TULP3: variants seen among roughly 807,000 people sequenced by gnomAD.
The protein encoded by TULP3 is tubby-related protein 3.
TULP3 carries 38 observed loss-of-function variants against 50.7 expected under a neutral mutation model. That is an observed-to-expected ratio of 0.75 (90% confidence interval 0.58 to 0.98). The LOEUF (loss-of-function observed/expected upper bound fraction) is 0.98, where lower values mean the gene tolerates loss of function less well. TULP3 is among the 50% of genes least tolerant of loss of function. TULP3 has a pLI of 0.00. For synonymous variants in TULP3, 183 were observed against 196.6 expected (o/e 0.93, Z 0.58); for missense variants, 550 against 568.0 (o/e 0.97, Z 0.32).
chr12:2,920,840 A>G lies in TULP3; in HGVS notation c.171A>G (p.Leu57=). The G allele has an allele frequency of 6.2e-7, 1 of 1,614,180 alleles. No individual in the cohort carries two copies. Among genetic ancestry groups the G allele is most frequent in the Non-Finnish European group, 8.5e-7 (1 of 1,180,040 alleles). The change falls in exon 3 of 11, where the codon CTA becomes CTG. Residue 57 remains leucine (L), a synonymous_variant. Coordinates refer to ENST00000448120, the MANE Select transcript of TULP3 (RefSeq NM_003324.5). The part of the protein sequence containing the change: ...FMVQPNPEAR[L]RRAKPRASDE... The stretch of plus-strand genomic sequence containing the variant: ...TGCAGCCCAATCCAGAAGCCAGGCT[A>G]CGTCGGGCAAAGCCAAGGGCCAGTG...
chr12:2,936,033 G>A (rs138481056), intron 8 of TULP3, among the ~76,000 whole-genome samples: 1,926 of 151,854 alleles, frequency 0.013, 39 homozygotes, highest in African/African-American at 0.043. Flanking sequence ...TTGGGAGGCC[G>A]AGGCCGGTGG....
At chr12:2,931,743 C>CAAA (rs2098198186) in intron 6 of TULP3, among the ~76,000 whole-genome samples, 1 of 152,076 alleles carries the variant, frequency 6.6e-6, no homozygotes, top group Non-Finnish European at 1.5e-5. Context: ...AATACCAGGT[C>CAAA]TTAACAGATG....
chr12:2,916,723 AC>A (rs2098188890), intron 2 of TULP3, among the ~76,000 whole-genome samples: 1 of 152,158 alleles, frequency 6.6e-6, no homozygotes, highest in Non-Finnish European at 1.5e-5. Context: ...CACAAGTAGC[AC>A]TTCTCTCCTC....
At chr12:2,934,073 C>A (rs2098199723) in intron 7 of TULP3, among the ~76,000 whole-genome samples, 1 of 152,144 alleles carries the variant, frequency 6.6e-6, no homozygotes, top group African/African-American at 2.4e-5. Context: ...CACACTGAGA[C>A]ATTATCTCTT....
At chr12:2,899,928 C>G in intron 1 of TULP3, among the ~76,000 whole-genome samples, 1 of 144,516 alleles carries the variant, frequency 6.9e-6, no homozygotes, top group Non-Finnish European at 1.5e-5. Context: ...ACAAAAAAAA[C>G]TTGGAGACGG....
At position 2,933,545 on chromosome 12, in the gene TULP3, A is replaced by G; in HGVS notation, c.809+15A>G. On this transcript the variant is annotated intron_variant, in intron 7 of 10. Transcript: ENST00000448120. The stretch of plus-strand genomic sequence containing the variant: ...GGCAAGCTTAGGTGAAAGCAACCTT[A>G]GATCACTGTCCTATTCTTTCTGATA... 1 of 1,507,070 alleles carries G rather than the reference A, an allele frequency of 6.6e-7. No homozygotes were observed. Among genetic ancestry groups the G allele is most frequent in the Non-Finnish European group, 9.2e-7 (1 of 1,083,180 alleles). The allele number at this position is 1,507,070 out of a possible 1,614,324, so 93.4% of individuals were successfully genotyped here.
chr12:2,913,009 G>C (rs1372594539), intron 2 of TULP3, among the ~76,000 whole-genome samples: 1 of 146,424 alleles, frequency 6.8e-6, no homozygotes, highest in Non-Finnish European at 1.5e-5. Flanking sequence ...GTCTCCCTCT[G>C]TCGCCAGGCT....
At chr12:2,911,707 TGAGTCAGTGAATTTAGAGACATAAAA>T (rs2098185759) in intron 2 of TULP3, among the ~76,000 whole-genome samples, 2 of 105,608 alleles carry the variant, frequency 1.9e-5, no homozygotes, top group Non-Finnish European at 3.7e-5. Context: ...TTTTTTTTTT[TGAGTCAGTGAATTTAGAGACATAAAA>T]TTTTATAGGA....
intron 1 of TULP3, among the ~76,000 whole-genome samples, chr12:2,905,187 C>CAT: frequency 7.0e-6 from 1 of 143,438 alleles, no homozygotes; most frequent in Admixed American, 7.0e-5. Flanking sequence ...TATAAAATAT[C>CAT]TTTTTTTTTT....
At chr12:2,892,935 T>G (rs2098173076) in intron 1 of TULP3, among the ~76,000 whole-genome samples, 2 of 150,958 alleles carry the variant, frequency 1.3e-5, no homozygotes, top group East Asian at 3.9e-4. Context: ...TGGTGGGCGA[T>G]CTCAACTAAT....
Position 2,940,276 on chromosome 12 carries a change from T to C in TULP3, c.*832T>C. 7.1e-7 allele frequency: 1 copy of C among 1,409,548 alleles called. No homozygotes were observed. The highest frequency in any genetic ancestry group is 9.4e-7 in the Non-Finnish European group (1 of 1,067,884). 87.3% of individuals were successfully genotyped at this position (1,409,548 alleles called of 1,614,324 possible). On this transcript the variant is annotated 3_prime_UTR_variant, in exon 11 of 11. Transcript: ENST00000448120. ...CCTGTAGGCATCCTGTGCAAACACT[T>C]TGTCATTATCAAGAGAGATGGCAGT...
At chr12:2,928,480 A>G (rs1462652066) in intron 4 of TULP3, among the ~76,000 whole-genome samples, 1 of 152,192 alleles carries the variant, frequency 6.6e-6, no homozygotes, top group Admixed American at 6.5e-5. Context: ...CGGTGAGCCC[A>G]GATTGCACCA....
intron 1 of TULP3, among the ~76,000 whole-genome samples, chr12:2,905,700 G>C (rs1036377367): frequency 1.1e-4 from 13 of 117,626 alleles, no homozygotes; most frequent in African/African-American, 4.8e-4. Context: ...GCTTGCCCAG[G>C]CTTGATGAAA....
chr12:2,899,923 A>C (rs952523204), intron 1 of TULP3, among the ~76,000 whole-genome samples: 1 of 143,856 alleles, frequency 7.0e-6, no homozygotes, highest in Non-Finnish European at 1.5e-5. Flanking sequence ...AAAAAACAAA[A>C]AAAACTTGGA....
chr12:2,939,949 C>G lies in TULP3; in HGVS notation c.*505C>G. 1 of 1,273,742 alleles carries G rather than the reference C, an allele frequency of 7.9e-7. No individual in the cohort carries two copies. The highest frequency in any genetic ancestry group is 1.0e-6 in the Non-Finnish European group (1 of 976,054). The allele number at this position is 1,273,742 out of a possible 1,614,324, so 78.9% of individuals were successfully genotyped here. On this transcript the variant is annotated 3_prime_UTR_variant, in exon 11 of 11. Coordinates refer to ENST00000448120, the MANE Select transcript of TULP3 (RefSeq NM_003324.5). This position sits in a 1 kb window ranked among gnomAD's most constrained non-coding sequence, Gnocchi z 4.0. ...GGTCTCCAAAGCTAGAATGGGATTT[C>G]ATGTGCTTGGAAACTTGCAGTAGAA...
At chr12:2,932,472 C>T (rs531225664) in intron 6 of TULP3, among the ~76,000 whole-genome samples, 12 of 149,788 alleles carry the variant, frequency 8.0e-5, no homozygotes, top group African/African-American at 2.5e-4. Context: ...TCCAGCTACT[C>T]GGGAGGCTGA....
At chr12:2,935,635 C>T (rs1025854033) in intron 8 of TULP3, among the ~76,000 whole-genome samples, 2 of 152,316 alleles carry the variant, frequency 1.3e-5, no homozygotes, top group African/African-American at 4.8e-5. Context: ...TTTGACTTCA[C>T]ACTTTAATGT....
chr12:2,933,468 C>T lies in TULP3; in HGVS notation c.747C>T (p.Tyr249=), dbSNP rs145294361. 6.0e-3 allele frequency: 9,655 copies of T among 1,613,892 alleles called. 126 individuals carry two copies. Among genetic ancestry groups the T allele is most frequent in the Non-Finnish European group, 4.7e-3 (5,573 of 1,179,938 alleles). ...RKRKKSKTAN[Y]LISIDPVDLS... is the part of the protein sequence containing the mutation. The stretch of plus-strand genomic sequence containing the variant: ...GGAAAAAGAGCAAAACAGCCAACTA[C>T]CTTATCTCCATTGATCCAGTTGATT... The change falls in exon 7 of 11, where the codon TAC becomes TAT. Residue 249 remains tyrosine (Y), a synonymous_variant. Coordinates refer to ENST00000448120, the MANE Select transcript of TULP3 (RefSeq NM_003324.5).
chr12:2,898,647 TTTTTC>T, intron 1 of TULP3, among the ~76,000 whole-genome samples: 1 of 152,204 alleles, frequency 6.6e-6, no homozygotes, highest in East Asian at 1.9e-4. Flanking sequence ...TTTGAAGACT[TTTTTC>T]TTTTTATTCA....
Sources: allele counts gnomAD v4.1 joint callset (sites outside exome capture counted in the v4.1 genomes callset), GRCh38; gene constraint gnomAD v4.1.1; non-coding constraint Gnocchi (gnomAD v3.1); transcripts MANE v1.5; gene names NCBI Gene and HGNC (gene_info 2026-07-23, HGNC 2026-07-21).